Variants in ZNF420 observed in about 807,000 individuals in gnomAD.
ZNF420 encodes the protein zinc finger protein 420.
ZNF420 carries 31 observed loss-of-function variants against 44.7 expected under a neutral mutation model. That is an observed-to-expected ratio of 0.69 (90% CI 0.52 to 0.94). ZNF420 has a LOEUF of 0.94. Ranked by LOEUF, ZNF420 falls within the 40% of genes least tolerant of loss-of-function variation. The pLI is 0.00. For synonymous variants in ZNF420, 245 were observed against 267.4 expected, an observed-to-expected ratio of 0.92 and a Z score of 0.82; for missense variants, 681 against 827.9, an observed-to-expected ratio of 0.82 and a Z score of 2.18.
At chr19:37,099,166 A>G (rs1394378860) in intron 4 of ZNF420, among the ~76,000 whole-genome samples, 2 of 152,264 alleles carry the variant, frequency 1.3e-5, no homozygotes, top group East Asian at 3.9e-4. Flanking sequence ...CCTCTTTGAC[A>G]TACTGATTTC....
At position 37,091,140 on chromosome 19, in the gene ZNF420, A is replaced by C. The variant is rs767764970; in HGVS notation, c.136+19A>C. The C allele has an allele frequency of 1.9e-6, 3 of 1,540,332 alleles. No individual in the cohort carries two copies. Among genetic ancestry groups the C allele is most frequent in the Non-Finnish European group, 2.6e-6 (3 of 1,144,086 alleles). On this transcript the variant is annotated intron_variant, in intron 4 of 4. Transcript: ENST00000337995. Reference sequence around the variant, plus strand: ...TCACTAGGTAAGGAATCTAGCCTTCATATTTCAGGATCTACCTTTGGATTG... The same window carrying C: ...TCACTAGGTAAGGAATCTAGCCTTCCTATTTCAGGATCTACCTTTGGATTG...
intron 4 of ZNF420, among the ~76,000 whole-genome samples, chr19:37,102,570 A>G (rs1172267168): frequency 6.6e-6 from 1 of 152,180 alleles, no homozygotes; most frequent in Non-Finnish European, 1.5e-5. Flanking sequence ...GCCATTTTCA[A>G]GCTTTGAACA....
chr19:37,024,799 C>G (rs973559299), intron 1 of ZNF420: 2 of 152,258 alleles, frequency 1.3e-5, no homozygotes, highest in African/African-American at 4.8e-5. Flanking sequence ...CCAGGCTGTT[C>G]TCGAACTCCT....
intron 1 of ZNF420, among the ~76,000 whole-genome samples, chr19:37,012,737 G>A (rs1430188102): frequency 6.6e-6 from 1 of 151,758 alleles, no homozygotes; most frequent in Non-Finnish European, 1.5e-5. Context: ...GCCTGGGGGG[G>A]TGTGCTTCTG....
chr19:37,011,174 T>A (rs1459333603), intron 1 of ZNF420, among the ~76,000 whole-genome samples: 2 of 152,154 alleles, frequency 1.3e-5, no homozygotes, highest in Non-Finnish European at 2.9e-5. Context: ...TCAACAAAGA[T>A]CACTTCCCAG....
At chr19:37,013,694 A>C (rs826322) in intron 1 of ZNF420, among the ~76,000 whole-genome samples, 11 of 151,818 alleles carry the variant, frequency 7.2e-5, no homozygotes, top group Admixed American at 7.2e-4. Flanking sequence ...GGTCCCACGG[A>C]CCTCAAGCCA....
intron 4 of ZNF420, among the ~76,000 whole-genome samples, chr19:37,123,823 T>C (rs1183931786): frequency 1.3e-5 from 2 of 151,746 alleles, no homozygotes; most frequent in Non-Finnish European, 2.9e-5. Flanking sequence ...TTAGCCAAGA[T>C]GGTCTCAATC....
At chr19:37,056,088 GTCTCTCTC>G (rs373594908) in intron 1 of ZNF420, among the ~76,000 whole-genome samples, 3 of 149,508 alleles carry the variant, frequency 2.0e-5, no homozygotes, top group East Asian at 1.9e-4. Flanking sequence ...CTCACTCTCT[GTCTCTCTC>G]TCTCTCTCTC....
At chr19:37,123,771 T>TGTGTGTGTGTG (rs1971194947) in intron 4 of ZNF420, among the ~76,000 whole-genome samples, 1 of 151,126 alleles carries the variant, frequency 6.6e-6, no homozygotes, top group African/African-American at 2.4e-5. Flanking sequence ...CCCAGCTAAT[T>TGTGTGTGTGTG]TGTGTGTGTG....
chr19:37,110,675 TTGATCAAAATCTTATAACACTGTAATGAC>T (rs1292732086), intron 4 of ZNF420, among the ~76,000 whole-genome samples: 1 of 152,120 alleles, frequency 6.6e-6, no homozygotes, highest in Non-Finnish European at 1.5e-5. Flanking sequence ...TATTGATAGA[TTGATCAAAATCTTATAACACTGTAATGAC>T]TGCAACCAAC....
At chr19:37,068,814 GTGT>G (rs1160354371) in intron 1 of ZNF420, among the ~76,000 whole-genome samples, 1 of 152,118 alleles carries the variant, frequency 6.6e-6, no homozygotes. Context: ...ATGAAAGCTA[GTGT>G]TGTGATATTA....
At chr19:37,090,540 G>A (rs943934407) in intron 3 of ZNF420, among the ~76,000 whole-genome samples, 2 of 151,394 alleles carry the variant, frequency 1.3e-5, no homozygotes, top group Admixed American at 1.3e-4. Flanking sequence ...ATAGCAATAG[G>A]AATAATCAGG....
Position 37,098,055 on chromosome 19 carries a change from C to T in ZNF420, c.136+6934C>T, listed in dbSNP as rs370482670. Among the ~76,000 whole-genome samples the T allele has an allele frequency of 5.1e-4, 77 of 152,192 alleles. 1 individual carries two copies. The South Asian group carries it at 0.016, about 32-fold the overall frequency. ...GCCTGATCACAGCTCACTGCAGCCT[C>T]CACCTCCCTGAGCCCAGGTGATCCT... On this transcript the variant is annotated intron_variant, in intron 4 of 4. Transcript: ENST00000337995.
At chr19:37,087,637 A>G (rs1320072135) in intron 2 of ZNF420, among the ~76,000 whole-genome samples, 1 of 151,888 alleles carries the variant, frequency 6.6e-6, no homozygotes, top group Admixed American at 6.6e-5. Flanking sequence ...GAGGGTAAAG[A>G]CTTCTAGCTT....
chr19:37,057,699 G>A (rs946854941), intron 1 of ZNF420, among the ~76,000 whole-genome samples: 3 of 152,216 alleles, frequency 2.0e-5, no homozygotes, highest in African/African-American at 4.8e-5. Flanking sequence ...GACCACATGA[G>A]GAGATGCGTC....
In ZNF420 at chr19:37,089,024, C is replaced by A; in HGVS notation, c.-80-15C>A. 1 of 1,114,178 alleles carries A rather than the reference C, an allele frequency of 9.0e-7. No homozygotes were observed. Among genetic ancestry groups the A allele is most frequent in the Non-Finnish European group, 1.4e-6 (1 of 725,158 alleles). 69.0% of individuals were successfully genotyped at this position (1,114,178 alleles called of 1,614,324 possible). A position where few individuals can be genotyped will look rare whatever the true frequency, so the allele number is the denominator to read the frequency against. ...CAAAACACCTGGTCTCATGGTTCTG[C>A]TTTCTCCTCCGTAGCTCTGCATTCT... On this transcript the variant is annotated splice_polypyrimidine_tract_variant and intron_variant, in intron 2 of 4. Transcript: ENST00000337995.
rs575180727 is a variant in ZNF420 at position 37,123,632 on chromosome 19, C to T, written c.137-3496C>T. 1.7e-4 allele frequency among the ~76,000 whole-genome samples: 18 copies of T among 104,568 alleles called. No homozygotes were observed. In the East Asian group the frequency reaches 4.9e-3, roughly 28 times the overall value. 68.6% of individuals were successfully genotyped at this position (104,568 alleles called of 152,430 possible). A position where few individuals can be genotyped will look rare whatever the true frequency, so the allele number is the denominator to read the frequency against. ...TTTTTTTTTTTTTTTTGAGCGGAGT[C>T]TCGCTCTGTCACCCAGGCTGGAGTG... On this transcript the variant is annotated intron_variant, in intron 4 of 4. Coordinates refer to ENST00000337995, the MANE Select transcript of ZNF420 (RefSeq NM_144689.5).
At chr19:37,090,869 G>A (rs1033914599) in intron 3 of ZNF420, 126 bp from the exon 4 acceptor site, 5 of 931,104 alleles carry the variant, frequency 5.4e-6, no homozygotes, top group South Asian at 5.2e-5. Flanking sequence ...GCAGCGTGCC[G>A]AGATCGCGCC....
intron 4 of ZNF420, among the ~76,000 whole-genome samples, chr19:37,120,408 T>C (rs2145293466): frequency 6.6e-6 from 1 of 152,082 alleles, no homozygotes; most frequent in Non-Finnish European, 1.5e-5. Context: ...AAAAGGCCTT[T>C]GACAAAATTC....
Sources: gnomAD v4.1 joint callset for allele counts (sites outside exome capture counted in the v4.1 genomes callset) on GRCh38, gnomAD v4.1.1 for gene constraint, MANE v1.5 for transcripts, NCBI Gene and HGNC (gene_info 2026-07-23, HGNC 2026-07-21) for gene names.